The following KLF2 variants were observed in gnomAD, a reference collection of about 807,000 sequenced individuals.
KLF2 encodes the protein Krueppel-like factor 2.
KLF2 carries 9 observed loss-of-function variants against 22.2 expected under a neutral mutation model. The ratio of observed to expected loss-of-function variants is 0.40; its 90% CI spans 0.24 to 0.71. The LOEUF (loss-of-function observed/expected upper bound fraction) is 0.71. KLF2 is among the 30% of genes least tolerant of loss of function. The pLI is 0.35. For missense variants in KLF2, 481 were observed against 542.1 expected (o/e 0.89, Z 1.12); for synonymous variants, 299 against 264.2 (o/e 1.13, Z -1.28).
Position 16,325,947 on chromosome 19 carries a change from C to T in KLF2, c.807C>T (p.Thr269=). ...GCCGCTCTTGGCCCCGCAAACGCACCGCCACTCACACCTGCAGCTACGCGG... is the reference window on the plus strand; with the variant it reads ...GCCGCTCTTGGCCCCGCAAACGCACTGCCACTCACACCTGCAGCTACGCGG... ...RGRRSWPRKR[T]ATHTCSYAGC... The change falls in exon 2 of 3, where the codon ACC becomes ACT. Residue 269 remains threonine (T), a synonymous_variant. Coordinates refer to ENST00000248071, the MANE Select transcript of KLF2 (RefSeq NM_016270.4). The T allele has an allele frequency of 6.5e-7, 1 of 1,537,226 alleles. No individual in the cohort carries two copies. Among genetic ancestry groups the T allele is most frequent in the Non-Finnish European group, 8.8e-7 (1 of 1,142,742 alleles).
In KLF2 at chr19:16,327,074, C is replaced by T. The variant is rs2091892608; in HGVS notation, c.*43C>T. 6.7e-7 allele frequency: 1 copy of T among 1,495,970 alleles called. No individual in the cohort carries two copies. The highest frequency in any genetic ancestry group is 1.2e-5 in the South Asian group (1 of 80,664). The allele number at this position is 1,495,970 out of a possible 1,614,324, so 92.7% of individuals were successfully genotyped here. A position where few individuals can be genotyped will look rare whatever the true frequency, so the allele number is the denominator to read the frequency against. ...ACCTGCGCGCGGCCGTGGCGGGTCC[C>T]ACGCGCCGGGCGCGGCCCCCTCCCA... On this transcript the variant is annotated 3_prime_UTR_variant, in exon 3 of 3. Coordinates refer to ENST00000248071, the MANE Select transcript of KLF2 (RefSeq NM_016270.4).
At chr19:16,326,435 G>T (rs564007457) in intron 2 of KLF2, among the ~76,000 whole-genome samples, 2 of 152,110 alleles carry the variant, frequency 1.3e-5, no homozygotes, top group Non-Finnish European at 2.9e-5. Context: ...GGTAGTTGGG[G>T]AGTAGGTGCG....
At position 16,324,913 on chromosome 19, in the gene KLF2, G is replaced by C. The variant is rs753628439; in HGVS notation, c.-11G>C. The C allele has an allele frequency of 3.8e-6, 6 of 1,591,128 alleles. No homozygotes were observed. The highest frequency in any genetic ancestry group is 5.1e-6 in the Non-Finnish European group (6 of 1,170,246). The stretch of plus-strand genomic sequence containing the variant: ...GTCCCCGTCCGCGTCCTTTCTCCCC[G>C]GGTCCCGGCCATGGCGCTGAGTGAA... On this transcript the variant is annotated 5_prime_UTR_variant, in exon 1 of 3. Transcript: ENST00000248071.
Position 16,325,482 on chromosome 19 carries a change from G to C in KLF2, c.342G>C (p.Leu114=). 1 of 1,359,938 alleles carries C rather than the reference G, an allele frequency of 7.4e-7. No homozygotes were observed. The highest frequency in any genetic ancestry group is 9.4e-7 in the Non-Finnish European group (1 of 1,060,738). The allele number at this position is 1,359,938 out of a possible 1,614,324, so 84.2% of individuals were successfully genotyped here. The change falls in exon 2 of 3, where the codon CTG becomes CTC. Residue 114 remains leucine (L), a synonymous_variant. Transcript: ENST00000248071. ...CCGCACTGCACGGCCGCTTTCTGCT[G>C]GCGCCGCCCGGCCGCCTGGTCAAGG... ...LGPALHGRFL[L]APPGRLVKAE...
rs368246111 is a variant in KLF2 at position 16,327,033 on chromosome 19, C to T, written c.*2C>T. On this transcript the variant is annotated 3_prime_UTR_variant, in exon 3 of 3. Transcript: ENST00000248071. ...CTGCACATGAAACGGCACATGTAGCCGGGACGCCCCCGCCCACCTGCGCGC... is the reference window on the plus strand; with the variant it reads ...CTGCACATGAAACGGCACATGTAGCTGGGACGCCCCCGCCCACCTGCGCGC... 1.9e-6 allele frequency: 3 copies of T among 1,578,782 alleles called. No individual in the cohort carries two copies. The highest frequency in any genetic ancestry group is 2.7e-5 in the African/African-American group (2 of 74,460).
In KLF2 at chr19:16,325,755, C is replaced by T. The variant is rs375247255; in HGVS notation, c.615C>T (p.Pro205=). The part of the protein sequence containing the change: ...PPFGGPGFGA[P]GPGLHYAPPA... Reference sequence around the variant, plus strand: ...TCGGTGGCCCTGGTTTCGGCGCGCCCGGGCCCGGCCTGCATTACGCGCCGC... The same window carrying T: ...TCGGTGGCCCTGGTTTCGGCGCGCCTGGGCCCGGCCTGCATTACGCGCCGC... Residue 205 remains proline, a synonymous_variant, in exon 2 of 3, where the codon CCC becomes CCT. Transcript: ENST00000248071. 2.6e-3 allele frequency: 3,168 copies of T among 1,228,662 alleles called. 60 individuals carry two copies. The South Asian group carries it at 0.043, about 17-fold the overall frequency. 76.1% of individuals were successfully genotyped at this position (1,228,662 alleles called of 1,614,324 possible).
At position 16,325,562 on chromosome 19, in the gene KLF2, C is replaced by T. The variant is rs1479516340; in HGVS notation, c.422C>T (p.Thr141Ile). Residue 141 changes from threonine (T) to isoleucine (I), a missense_variant, in exon 2 of 3, where the codon ACC becomes ATC. Physicochemically the swap from Thr to Ile is moderately conservative, Grantham distance 89 (BLOSUM62 -1). This residue lies in a region of KLF2 where 421 missense variants were observed against 435.1 expected (regional missense o/e 0.97). Coordinates refer to ENST00000248071, the MANE Select transcript of KLF2 (RefSeq NM_016270.4). ...GGGYGCAPGL[T>I]RGPRGLKREG... is the part of the protein sequence containing the mutation. ...GGCTACGGCTGCGCCCCCGGGCTGACCCGTGGACCGCGCGGCCTCAAGCGC... is the reference window on the plus strand; with the variant it reads ...GGCTACGGCTGCGCCCCCGGGCTGATCCGTGGACCGCGCGGCCTCAAGCGC... 5 of 1,177,836 alleles carry T rather than the reference C, an allele frequency of 4.2e-6. No individual in the cohort carries two copies. The East Asian group carries it at 1.9e-4, about 44-fold the overall frequency. 73.0% of individuals were successfully genotyped at this position (1,177,836 alleles called of 1,614,324 possible).
Position 16,325,625 on chromosome 19 carries a change from G to A in KLF2, c.485G>A (p.Gly162Asp), listed in dbSNP as rs1462309207. Residue 162 changes from glycine to aspartate, a missense_variant, in exon 2 of 3, where the codon GGT (glycine) becomes GAT (aspartate). Around this residue, in one of 2 missense-constraint regions of KLF2, gnomAD observed 421 missense variants for 435.1 expected, o/e 0.97. Transcript: ENST00000248071. ...APGPAASCMR[G>D]PGGRPPPPPD... ...GGCCCGGCGGCTTCGTGCATGCGAG[G>A]TCCCGGGGGCCGCCCCCCGCCGCCG... The A allele has an allele frequency of 3.9e-5, 43 of 1,099,222 alleles. No individual in the cohort carries two copies. The highest frequency in any genetic ancestry group is 4.6e-5 in the Non-Finnish European group (42 of 907,038). The allele number at this position is 1,099,222 out of a possible 1,614,324, so 68.1% of individuals were successfully genotyped here.
Position 16,325,504 on chromosome 19 carries a change from A to C in KLF2, c.364A>C (p.Lys122Gln). The change falls in exon 2 of 3, where the codon AAG (lysine) becomes CAG (glutamine). Residue 122 changes from lysine (K) to glutamine (Q), a missense_variant. By Grantham distance (53) the Lys-to-Gln change is moderately conservative. Around this residue, in one of 2 missense-constraint regions of KLF2, gnomAD observed 421 missense variants for 435.1 expected, o/e 0.97. Transcript: ENST00000248071. The stretch of plus-strand genomic sequence containing the variant: ...GCTGGCGCCGCCCGGCCGCCTGGTC[A>C]AGGCCGAGCCCCCTGAAGCGGACGG... ...FLLAPPGRLV[K>Q]AEPPEADGGG... The C allele has an allele frequency of 7.5e-7, 1 of 1,336,568 alleles. No individual in the cohort carries two copies. 82.8% of individuals were successfully genotyped at this position (1,336,568 alleles called of 1,614,324 possible). A position where few individuals can be genotyped will look rare whatever the true frequency, so the allele number is the denominator to read the frequency against.
chr19:16,325,794 C>T lies in KLF2; in HGVS notation c.654C>T (p.Ala218=). ...GLHYAPPAPP[A]FGLFDDAAAA... Reference sequence around the variant, plus strand: ...ATTACGCGCCGCCTGCGCCCCCAGCCTTCGGTCTCTTCGACGACGCGGCCG... The same window carrying T: ...ATTACGCGCCGCCTGCGCCCCCAGCTTTCGGTCTCTTCGACGACGCGGCCG... Residue 218 remains alanine, a synonymous_variant, in exon 2 of 3, where the codon GCC becomes GCT. Coordinates refer to ENST00000248071, the MANE Select transcript of KLF2 (RefSeq NM_016270.4). The T allele has an allele frequency of 3.7e-6, 5 of 1,335,000 alleles. No homozygotes were observed. The highest frequency in any genetic ancestry group is 4.8e-6 in the Non-Finnish European group (5 of 1,050,682). 82.7% of individuals were successfully genotyped at this position (1,335,000 alleles called of 1,614,324 possible). A position where few individuals can be genotyped will look rare whatever the true frequency, so the allele number is the denominator to read the frequency against.
At position 16,325,798 on chromosome 19, in the gene KLF2, G is replaced by C. The variant is rs1207034444; in HGVS notation, c.658G>C (p.Gly220Arg). The change falls in exon 2 of 3, where the codon GGT (glycine) becomes CGT (arginine). Residue 220 changes from glycine to arginine, a missense_variant. Physicochemically the swap from Gly to Arg is moderately radical, Grantham distance 125. This residue lies in a region of KLF2 where 421 missense variants were observed against 435.1 expected (regional missense o/e 0.97). Transcript: ENST00000248071. The stretch of plus-strand genomic sequence containing the variant: ...CGCGCCGCCTGCGCCCCCAGCCTTC[G>C]GTCTCTTCGACGACGCGGCCGCCGC... Reference protein sequence around the residue: ...HYAPPAPPAFGLFDDAAAAAA... With the variant: ...HYAPPAPPAFRLFDDAAAAAA... 2 of 1,336,202 alleles carry C rather than the reference G, an allele frequency of 1.5e-6. No homozygotes were observed. Among genetic ancestry groups the C allele is most frequent in the African/African-American group, 3.1e-5 (2 of 64,448 alleles). The allele number at this position is 1,336,202 out of a possible 1,614,324, so 82.8% of individuals were successfully genotyped here.
Position 16,325,732 on chromosome 19 carries a change from G to C in KLF2, c.592G>C (p.Gly198Arg). The C allele has an allele frequency of 8.3e-7, 1 of 1,207,682 alleles. No individual in the cohort carries two copies. Among genetic ancestry groups the C allele is most frequent in the Non-Finnish European group, 1.0e-6 (1 of 975,720 alleles). The allele number at this position is 1,207,682 out of a possible 1,614,324, so 74.8% of individuals were successfully genotyped here. A position where few individuals can be genotyped will look rare whatever the true frequency, so the allele number is the denominator to read the frequency against. The change falls in exon 2 of 3, where the codon GGT becomes CGT. Residue 198 changes from glycine to arginine, a missense_variant. Gly to Arg is a moderately radical substitution (Grantham distance 125, BLOSUM62 -2). This residue lies in a region of KLF2 where 421 missense variants were observed against 435.1 expected (regional missense o/e 0.97). Coordinates refer to ENST00000248071, the MANE Select transcript of KLF2 (RefSeq NM_016270.4). The part of the protein sequence containing the change: ...GPRASFPPPF[G>R]GPGFGAPGPG... ...GCGCGCCTCCTTCCCGCCGCCTTTCGGTGGCCCTGGTTTCGGCGCGCCCGG... is the reference window on the plus strand; with the variant it reads ...GCGCGCCTCCTTCCCGCCGCCTTTCCGTGGCCCTGGTTTCGGCGCGCCCGG...
Position 16,325,332 on chromosome 19 carries a change from G to C in KLF2, c.192G>C (p.Pro64=). The change falls in exon 2 of 3, where the codon CCG becomes CCC. Residue 64 remains proline, a synonymous_variant. Coordinates refer to ENST00000248071, the MANE Select transcript of KLF2 (RefSeq NM_016270.4). ...DGLGAEAAPE[P]PPPPPPPAFY... ...TGGGCGCCGAGGCCGCCCCGGAGCC[G>C]CCGCCGCCGCCCCCGCCGCCTGCGT... 5 of 1,473,404 alleles carry C rather than the reference G, an allele frequency of 3.4e-6. No homozygotes were observed. Among genetic ancestry groups the C allele is most frequent in the Non-Finnish European group, 3.6e-6 (4 of 1,119,554 alleles). The allele number at this position is 1,473,404 out of a possible 1,614,324, so 91.3% of individuals were successfully genotyped here.
Position 16,327,832 on chromosome 19 carries a change from C to T in KLF2, c.*801C>T, listed in dbSNP as rs1249564142. 1.3e-5 allele frequency: 2 copies of T among 151,964 alleles called. No individual in the cohort carries two copies. Among genetic ancestry groups the T allele is most frequent in the Non-Finnish European group, 2.9e-5 (2 of 68,018 alleles). 9.4% of individuals were successfully genotyped at this position (151,964 alleles called of 1,614,324 possible). A position where few individuals can be genotyped will look rare whatever the true frequency, so the allele number is the denominator to read the frequency against. On this transcript the variant is annotated 3_prime_UTR_variant, in exon 3 of 3. Transcript: ENST00000248071. ...AGTGCTGGTCCCACTGACGTGGCCT[C>T]CTCTACGTTGAAAAAAATAAAACTA...
rs2091893512 is a variant in KLF2 at position 16,327,377 on chromosome 19, G to A, written c.*346G>A. 1.3e-5 allele frequency: 3 copies of A among 231,494 alleles called. No homozygotes were observed. In the East Asian group the frequency reaches 2.7e-4, roughly 21 times the overall value. The allele number at this position is 231,494 out of a possible 1,614,324, so 14.3% of individuals were successfully genotyped here. ...AAGGGCCTTAATTTGTACTGTCTGC[G>A]GCATTTTTTATAATATTGTATATAG... On this transcript the variant is annotated 3_prime_UTR_variant, in exon 3 of 3. Transcript: ENST00000248071.
chr19:16,325,001 G>GAGGGCGGCGGGGACGGC lies in KLF2; in HGVS notation c.75+4_75+20dup. The GAGGGCGGCGGGGACGGC allele has an allele frequency of 6.3e-7, 1 of 1,585,108 alleles. No individual in the cohort carries two copies. The highest frequency in any genetic ancestry group is 2.3e-5 in the East Asian group (1 of 42,934). Reference sequence around the variant, plus strand: ...GCCGCGAGCGCGGCCTGCAGGAGGTGAGGGCGGCGGGGACGGCGGGGCGGC... The same window carrying GAGGGCGGCGGGGACGGC: ...GCCGCGAGCGCGGCCTGCAGGAGGTGAGGGCGGCGGGGACGGCAGGGCGGCGGGGACGGCGGGGCGGC... On this transcript the variant is annotated splice_donor_region_variant and intron_variant, in intron 1 of 2. Coordinates refer to ENST00000248071, the MANE Select transcript of KLF2 (RefSeq NM_016270.4).
Position 16,325,265 on chromosome 19 carries a change from A to G in KLF2, c.125A>G (p.Asn42Ser). 1 of 1,543,654 alleles carries G rather than the reference A, an allele frequency of 6.5e-7. No individual in the cohort carries two copies. The highest frequency in any genetic ancestry group is 8.7e-7 in the Non-Finnish European group (1 of 1,149,796). Residue 42 changes from asparagine to serine, a missense_variant, in exon 2 of 3, where the codon AAC becomes AGC. Asn to Ser is a conservative substitution (Grantham distance 46, BLOSUM62 1). Around this residue, in one of 2 missense-constraint regions of KLF2, gnomAD observed 421 missense variants for 435.1 expected, o/e 0.97. Transcript: ENST00000248071. The part of the protein sequence containing the change: ...PESGGTDDDL[N>S]SVLDFILSMG... ...TCCGGCGGCACCGACGACGACCTCA[A>G]CAGCGTGCTGGACTTCATCCTGTCC...
chr19:16,328,185 G>A lies in KLF2; in HGVS notation c.*1154G>A, dbSNP rs570020251. On this transcript the variant is annotated 3_prime_UTR_variant, in exon 3 of 3. Transcript: ENST00000248071. ...CAAGGGTCCCTGAACCCCACTGGAA[G>A]GGAGTGGTAGCTTTCTACAATGACC... 3.9e-5 allele frequency among the ~76,000 whole-genome samples: 6 copies of A among 152,240 alleles called. No individual in the cohort carries two copies. Among genetic ancestry groups the A allele is most frequent in the African/African-American group, 1.4e-4 (6 of 41,566 alleles).
At position 16,325,597 on chromosome 19, in the gene KLF2, C is replaced by T; in HGVS notation, c.457C>T (p.Pro153Ser). ...GCGCGGCCTCAAGCGCGAGGGCGCC[C>T]CGGGCCCGGCGGCTTCGTGCATGCG... is the stretch of plus-strand genomic sequence containing the variant. ...GPRGLKREGA[P>S]GPAASCMRGP... Residue 153 changes from proline (P) to serine (S), a missense_variant, in exon 2 of 3, where the codon CCG (proline) becomes TCG (serine). Pro to Ser is a moderately conservative substitution (Grantham distance 74). Around this residue, in one of 2 missense-constraint regions of KLF2, gnomAD observed 421 missense variants for 435.1 expected, o/e 0.97. Coordinates refer to ENST00000248071, the MANE Select transcript of KLF2 (RefSeq NM_016270.4). The T allele has an allele frequency of 1.8e-6, 2 of 1,129,434 alleles. No individual in the cohort carries two copies. The highest frequency in any genetic ancestry group is 2.2e-6 in the Non-Finnish European group (2 of 923,972). 70.0% of individuals were successfully genotyped at this position (1,129,434 alleles called of 1,614,324 possible).
Sources: gnomAD v4.1 joint callset for allele counts (sites outside exome capture counted in the v4.1 genomes callset) on GRCh38, gnomAD v4.1.1 for gene constraint, gnomAD v4.1.1 regional missense constraint, MANE v1.5 for transcripts, NCBI Gene and HGNC (gene_info 2026-07-23, HGNC 2026-07-21) for gene names.